The following ACACA variants were observed in gnomAD, a reference collection of about 807,000 sequenced individuals.
ACACA encodes the protein acetyl-CoA carboxylase 1.
ACACA carries 103 observed loss-of-function variants against 296.1 expected under a neutral mutation model. The ratio of observed to expected loss-of-function variants is 0.35; its 90% confidence interval spans 0.30 to 0.41. The LOEUF is 0.41. Among genes scored for constraint, ACACA ranks in the 10% least tolerant of loss-of-function variants. ACACA has a pLI of 1.00. For missense variants in ACACA, 1,554 were observed against 2,989.7 expected, an observed-to-expected ratio of 0.52 and a Z score of 11.20; for synonymous variants, 953 against 1,038.6, an observed-to-expected ratio of 0.92 and a Z score of 1.58.
intron 52 of ACACA, among the ~76,000 whole-genome samples, chr17:37,098,217 C>T (rs2073108162): frequency 6.6e-6 from 1 of 152,200 alleles, no homozygotes; most frequent in Non-Finnish European, 1.5e-5. Flanking sequence ...GTGGCAGTCA[C>T]AAGTGTGAAG....
intron 41 of ACACA, among the ~76,000 whole-genome samples, chr17:37,172,934 A>G (rs1003459250): frequency 6.6e-6 from 1 of 152,212 alleles, no homozygotes; most frequent in African/African-American, 2.4e-5. Context: ...CCTTCAGCAT[A>G]GTACAATTTA....
At chr17:37,201,621 A>G (rs1231597041) in intron 33 of ACACA, among the ~76,000 whole-genome samples, 2 of 152,170 alleles carry the variant, frequency 1.3e-5, no homozygotes, top group Admixed American at 6.5e-5. Flanking sequence ...AAGAAGGATT[A>G]TAACAGCAAG....
At chr17:37,333,903 C>T (rs528443674) in intron 2 of ACACA, among the ~76,000 whole-genome samples, 1 of 151,394 alleles carries the variant, frequency 6.6e-6, no homozygotes, top group African/African-American at 2.4e-5. Flanking sequence ...GAGGCCTTCC[C>T]CTGTAGGACA....
At chr17:37,310,808 A>G (rs2084097247) in intron 3 of ACACA, among the ~76,000 whole-genome samples, 1 of 151,390 alleles carries the variant, frequency 6.6e-6, no homozygotes, top group African/African-American at 2.4e-5. Context: ...AAAAAAAAAA[A>G]AAAAAAGAAA....
At chr17:37,243,668 A>G (rs2080533631) in intron 21 of ACACA, 109 bp from the exon 22 acceptor site, 2 of 1,149,176 alleles carry the variant, frequency 1.7e-6, no homozygotes, top group Middle Eastern at 2.8e-4. Flanking sequence ...CAGAACCACC[A>G]CTCATATATG....
At chr17:37,201,113 T>C (rs893523270) in intron 33 of ACACA, among the ~76,000 whole-genome samples, 1 of 152,156 alleles carries the variant, frequency 6.6e-6, no homozygotes, top group Admixed American at 6.5e-5. Context: ...ACTATTCATA[T>C]CTCCACTAGG....
chr17:37,234,245 C>A (rs1315513529), intron 25 of ACACA, among the ~76,000 whole-genome samples: 2 of 152,128 alleles, frequency 1.3e-5, no homozygotes, highest in African/African-American at 4.8e-5. Context: ...TAGGAGTAGT[C>A]CTACTGTACT....
At chr17:37,319,953 A>T (rs535546185) in intron 3 of ACACA, among the ~76,000 whole-genome samples, 1 of 151,836 alleles carries the variant, frequency 6.6e-6, no homozygotes, top group Non-Finnish European at 1.5e-5. Flanking sequence ...TCCATCTCAA[A>T]AAATAAATAA....
chr17:37,230,987 T>C (rs985516459), intron 25 of ACACA, among the ~76,000 whole-genome samples: 5 of 152,214 alleles, frequency 3.3e-5, no homozygotes, highest in Non-Finnish European at 5.9e-5. Context: ...TACAAAACAG[T>C]TATTTCTTGC....
At chr17:37,378,094 CA>C in intron 1 of ACACA, 2 of 801,824 alleles carry the variant, frequency 2.5e-6, no homozygotes, top group Admixed American at 5.5e-5. Flanking sequence ...TGTATCCTCC[CA>C]GGGGGCTTTC....
At chr17:37,201,543 C>G (rs1431682039) in intron 33 of ACACA, among the ~76,000 whole-genome samples, 1 of 151,898 alleles carries the variant, frequency 6.6e-6, no homozygotes, top group Admixed American at 6.6e-5. Flanking sequence ...TCACTTGCTT[C>G]AAAAGGCAGG....
In ACACA at chr17:37,125,794, G is replaced by A; in HGVS notation, c.5945C>T (p.Thr1982Ile). 1 of 1,611,936 alleles carries A rather than the reference G, an allele frequency of 6.2e-7. No homozygotes were observed. The highest frequency in any genetic ancestry group is 8.5e-7 in the Non-Finnish European group (1 of 1,178,262). The change falls in exon 48 of 56, where the codon ACC becomes ATC. Residue 1982 changes from threonine (T) to isoleucine (I), a missense_variant and splice_region_variant. Thr to Ile is a moderately conservative substitution (Grantham distance 89). Around this residue, in one of 16 missense-constraint regions of ACACA, gnomAD observed 553 missense variants for 1,043.6 expected, o/e 0.53. Transcript: ENST00000616317. ...GCCACTCAACCACTGACCTTTTTGG[G>A]CTACAGAAGGGAAAGAAAGAAAACA... ...RWMLAGRPHP[T>I]QKGQWLSGFF...
chr17:37,130,022 G>C, intron 46 of ACACA, 53 bp downstream of exon 46: 1 of 1,608,636 alleles, frequency 6.2e-7, no homozygotes, highest in East Asian at 2.2e-5. Context: ...GTGAGCTGTG[G>C]TGGAAATGAC....
chr17:37,248,554 A>G (rs192605607), intron 17 of ACACA, 39 bp downstream of exon 17: 325 of 1,472,154 alleles, frequency 2.2e-4, no homozygotes, highest in Non-Finnish European at 3.0e-4. Flanking sequence ...AAAGATAGCT[A>G]AAAAAGTAAG....
intron 47 of ACACA, 43 bp downstream of exon 47, chr17:37,129,322 G>C (rs2074976888): frequency 6.2e-7 from 1 of 1,612,628 alleles, no homozygotes; most frequent in East Asian, 2.2e-5. Flanking sequence ...AACGCTAAAA[G>C]CTTAAGAGCC....
intron 33 of ACACA, among the ~76,000 whole-genome samples, chr17:37,202,589 G>A (rs2078297331): frequency 6.7e-6 from 1 of 148,296 alleles, no homozygotes; most frequent in Admixed American, 6.7e-5. Flanking sequence ...CTAGGAGCAT[G>A]ATCATGAAGT....
chr17:37,283,077 G>C (rs899339394), intron 5 of ACACA, among the ~76,000 whole-genome samples, 190 bp downstream of exon 5: 3 of 152,130 alleles, frequency 2.0e-5, no homozygotes, highest in African/African-American at 7.2e-5. Flanking sequence ...TCTGTATTGA[G>C]GTTGACTATA....
chr17:37,287,569 T>TAAAA (rs1170331801), intron 3 of ACACA, among the ~76,000 whole-genome samples: 12 of 69,828 alleles, frequency 1.7e-4, no homozygotes, highest in East Asian at 7.0e-4. Context: ...ACGTCTCTAC[T>TAAAA]AAAAAAAAAA....
intron 19 of ACACA, among the ~76,000 whole-genome samples, chr17:37,245,715 AAGAGAT>A (rs1567874903): frequency 3.9e-5 from 6 of 152,076 alleles, no homozygotes; most frequent in Non-Finnish European, 5.9e-5. Context: ...AAGACCCCCT[AAGAGAT>A]CTCCCTACTT....
Sources: gnomAD v4.1 joint callset for allele counts (sites outside exome capture counted in the v4.1 genomes callset) on GRCh38, gnomAD v4.1.1 for gene constraint, gnomAD v4.1.1 regional missense constraint, MANE v1.5 for transcripts, NCBI Gene and HGNC (gene_info 2026-07-23, HGNC 2026-07-21) for gene names.